GTF2E2: variants seen among roughly 807,000 people sequenced by gnomAD.
GTF2E2 encodes the protein transcription initiation factor IIE subunit beta.
GTF2E2 carries 21 observed loss-of-function variants against 40.5 expected under a neutral mutation model. The observed-to-expected ratio is 0.52, with a 90% CI of 0.37 to 0.75. GTF2E2 has a LOEUF of 0.75. Ranked by LOEUF, GTF2E2 falls within the 30% of genes least tolerant of loss-of-function variation. The pLI, the probability that GTF2E2 is intolerant of heterozygous loss-of-function variation, is 0.00. For synonymous variants in GTF2E2, 117 were observed against 121.6 expected, an observed-to-expected ratio of 0.96 and a Z score of 0.25; for missense variants, 298 against 338.4, an observed-to-expected ratio of 0.88 and a Z score of 0.94.
At chr8:30,615,988 G>A (rs1262678831) in intron 3 of GTF2E2, among the ~76,000 whole-genome samples, 2 of 152,142 alleles carry the variant, frequency 1.3e-5, no homozygotes, top group African/African-American at 4.8e-5. Context: ...ATACTATCCA[G>A]TGCTAAAACG....
chr8:30,619,748 A>G (rs1413390820), intron 3 of GTF2E2, among the ~76,000 whole-genome samples: 2 of 152,020 alleles, frequency 1.3e-5, no homozygotes, highest in Non-Finnish European at 2.9e-5. Context: ...AAAATAAATC[A>G]GTGTCACAAT....
At chr8:30,593,350 C>T (rs1446427475) in intron 6 of GTF2E2, among the ~76,000 whole-genome samples, 2 of 152,178 alleles carry the variant, frequency 1.3e-5, no homozygotes, top group African/African-American at 2.4e-5. Context: ...AAGAGGAATG[C>T]TGTAGTCTAA....
At chr8:30,589,433 T>G (rs140186929) in intron 6 of GTF2E2, among the ~76,000 whole-genome samples, 263 of 152,244 alleles carry the variant, frequency 1.7e-3, no homozygotes, top group African/African-American at 6.0e-3. Flanking sequence ...CATGGAGGCA[T>G]ATGCCTGTAG....
intron 5 of GTF2E2, among the ~76,000 whole-genome samples, chr8:30,607,849 A>C (rs930517992): frequency 2.0e-5 from 3 of 152,172 alleles, no homozygotes; most frequent in African/African-American, 7.2e-5. Context: ...AATTATTTCC[A>C]ATTGTGCTTT....
intron 2 of GTF2E2, among the ~76,000 whole-genome samples, chr8:30,649,762 G>C (rs1802209586): frequency 6.6e-6 from 1 of 152,132 alleles, no homozygotes; most frequent in Non-Finnish European, 1.5e-5. Context: ...GACAGAGCAA[G>C]ACTCCGTCTC....
At chr8:30,613,289 C>G (rs369667187) in intron 4 of GTF2E2, among the ~76,000 whole-genome samples, 1 of 152,164 alleles carries the variant, frequency 6.6e-6, no homozygotes. Context: ...GTGGAAGGAA[C>G]TGAAAAGGAC....
chr8:30,604,814 T>C (rs776112761), intron 6 of GTF2E2, among the ~76,000 whole-genome samples: 15 of 152,136 alleles, frequency 9.9e-5, no homozygotes, highest in Non-Finnish European at 1.9e-4. Flanking sequence ...CTATAAGCTA[T>C]GCAATAAGGA....
chr8:30,597,686 A>G (rs1469083306), intron 6 of GTF2E2, among the ~76,000 whole-genome samples: 1 of 152,206 alleles, frequency 6.6e-6, no homozygotes, highest in Non-Finnish European at 1.5e-5. Flanking sequence ...ATCAGCATGC[A>G]GACTTCTGGG....
chr8:30,629,793 G>C (rs1043495370), intron 3 of GTF2E2, among the ~76,000 whole-genome samples: 6 of 152,046 alleles, frequency 3.9e-5, no homozygotes, highest in African/African-American at 1.2e-4. Flanking sequence ...CAAGTTCCCA[G>C]GTGATGCTGA....
intron 3 of GTF2E2, 37 bp from the exon 4 acceptor site, chr8:30,614,752 C>G: frequency 8.4e-7 from 1 of 1,187,284 alleles, no homozygotes; most frequent in Non-Finnish European, 1.3e-6. Flanking sequence ...AAGACAGTTT[C>G]AAAATGCTAG....
intron 1 of GTF2E2, chr8:30,657,086 A>G (rs1328522495): frequency 6.6e-6 from 1 of 152,164 alleles, no homozygotes; most frequent in East Asian, 1.9e-4. Flanking sequence ...GAGGTTCGGG[A>G]ACGTTCAAAG....
At chr8:30,587,724 C>G (rs1303395067) in intron 6 of GTF2E2, among the ~76,000 whole-genome samples, 1 of 151,766 alleles carries the variant, frequency 6.6e-6, no homozygotes, top group African/African-American at 2.4e-5. Context: ...AATACAAACT[C>G]AGCTGGGCAT....
rs1254082348 is a variant in GTF2E2, at chr8:30,628,491, T to C, written c.258+6541A>G. On this transcript the variant is annotated intron_variant, in intron 3 of 7. Transcript: ENST00000355904. ...GTTAATAAATGTGAACTCGGAGGTA[T>C]AGCAATTCTTTGCATGGGTTCTCTG... 1.6e-4 allele frequency among the ~76,000 whole-genome samples: 25 copies of C among 152,348 alleles called. 1 individual carries two copies. Among genetic ancestry groups the C allele is most frequent in the Middle Eastern group, 6.8e-3 (2 of 294 alleles).
chr8:30,622,635 A>T (rs1353479455), intron 3 of GTF2E2, among the ~76,000 whole-genome samples: 1 of 152,040 alleles, frequency 6.6e-6, no homozygotes, highest in South Asian at 2.1e-4. Context: ...TGGGAGCACT[A>T]TGGGAGACTG....
rs549809370 is a variant in GTF2E2, at chr8:30,581,726, T to C, written c.644-1330A>G. 1.2e-4 allele frequency among the ~76,000 whole-genome samples: 18 copies of C among 152,386 alleles called. No homozygotes were observed. In the South Asian group the frequency reaches 3.7e-3, roughly 32 times the overall value. ...CACATTATGGACATGACCTAACTGATAACAACTGTGTGCATGATTGTCTCG... is the reference window on the plus strand; with the variant it reads ...CACATTATGGACATGACCTAACTGACAACAACTGTGTGCATGATTGTCTCG... On this transcript the variant is annotated intron_variant, in intron 6 of 7. Coordinates refer to ENST00000355904, the MANE Select transcript of GTF2E2 (RefSeq NM_002095.6).
At chr8:30,651,293 C>G (rs1171573354) in intron 2 of GTF2E2, among the ~76,000 whole-genome samples, 2 of 151,646 alleles carry the variant, frequency 1.3e-5, no homozygotes, top group African/African-American at 4.8e-5. Flanking sequence ...ATAGAAAATC[C>G]TAGGGAAACC....
At chr8:30,588,045 T>C (rs956950426) in intron 6 of GTF2E2, among the ~76,000 whole-genome samples, 2 of 152,142 alleles carry the variant, frequency 1.3e-5, no homozygotes, top group African/African-American at 4.8e-5. Flanking sequence ...CCTGTGAGAA[T>C]GGTTATCCTC....
At chr8:30,629,240 C>T (rs979731323) in intron 3 of GTF2E2, among the ~76,000 whole-genome samples, 17 of 152,194 alleles carry the variant, frequency 1.1e-4, no homozygotes, top group Admixed American at 7.9e-4. Flanking sequence ...ATTCTTGACC[C>T]AGTCCTACTA....
intron 5 of GTF2E2, among the ~76,000 whole-genome samples, chr8:30,609,407 G>A (rs1470054057): frequency 6.6e-6 from 1 of 151,814 alleles, no homozygotes; most frequent in Admixed American, 6.6e-5. Flanking sequence ...ATCTGAAACA[G>A]TTCTGGTCCC....
Sources: gnomAD v4.1 joint callset for allele counts (sites outside exome capture counted in the v4.1 genomes callset) on GRCh38, gnomAD v4.1.1 for gene constraint, MANE v1.5 for transcripts, NCBI Gene and HGNC (gene_info 2026-07-23, HGNC 2026-07-21) for gene names.